Variants in TNFSF11 observed in about 807,000 individuals in gnomAD.
TNFSF11 encodes tumor necrosis factor ligand superfamily member 11.
A neutral mutation model predicts 32.2 loss-of-function variants in TNFSF11; 12 were observed. That is an observed-to-expected ratio of 0.37 (90% CI 0.24 to 0.60). The LOEUF is 0.60. Ranked by LOEUF, TNFSF11 falls within the 20% of genes least tolerant of loss-of-function variation. TNFSF11 has a pLI of 0.66. For synonymous variants in TNFSF11, 172 were observed against 152.1 expected (o/e 1.13, Z -0.96); for missense variants, 345 against 398.0 (o/e 0.87, Z 1.13).
Position 42,607,828 on chromosome 13 carries a change from G to A in TNFSF11, c.*910G>A, listed in dbSNP as rs1045893179. 1.3e-5 allele frequency: 2 copies of A among 152,490 alleles called. No homozygotes were observed. The highest frequency in any genetic ancestry group is 2.4e-5 in the African/African-American group (1 of 41,400). The allele number at this position is 152,490 out of a possible 1,614,324, so 9.4% of individuals were successfully genotyped here. A position where few individuals can be genotyped will look rare whatever the true frequency, so the allele number is the denominator to read the frequency against. On this transcript the variant is annotated 3_prime_UTR_variant, in exon 5 of 5. Transcript: ENST00000398795. ...AGAGTAGTTATATAATTGTTGAACA[G>A]GTGTTTTTCCACAAGTGCCGCAAAT...
chr13:42,587,641 G>C (rs1451678374), intron 2 of TNFSF11, among the ~76,000 whole-genome samples: 1 of 152,210 alleles, frequency 6.6e-6, no homozygotes, highest in African/African-American at 2.4e-5. Flanking sequence ...TTTAGAGATT[G>C]CATCTGTGAT....
At chr13:42,590,340 C>T (rs1490816410) in intron 2 of TNFSF11, among the ~76,000 whole-genome samples, 2 of 152,200 alleles carry the variant, frequency 1.3e-5, no homozygotes, top group African/African-American at 4.8e-5. Flanking sequence ...CAGTGTTTTC[C>T]TGCTTCTTTG....
chr13:42,581,552 C>G (rs1873617001), intron 2 of TNFSF11, among the ~76,000 whole-genome samples: 1 of 152,176 alleles, frequency 6.6e-6, no homozygotes, highest in Admixed American at 6.5e-5. Context: ...TAAATTCACA[C>G]TTAAATTCAC....
intron 1 of TNFSF11, among the ~76,000 whole-genome samples, chr13:42,578,842 T>G (rs555678287): frequency 2.6e-5 from 4 of 152,370 alleles, no homozygotes; most frequent in African/African-American, 9.6e-5. Context: ...ATTAACTGTT[T>G]CAGTATCTTT....
chr13:42,583,545 T>C (rs1203427234), intron 2 of TNFSF11, among the ~76,000 whole-genome samples: 2 of 151,674 alleles, frequency 1.3e-5, no homozygotes, highest in African/African-American at 2.4e-5. Context: ...TATCATCTTA[T>C]AGATCCTGAA....
intron 1 of TNFSF11, among the ~76,000 whole-genome samples, chr13:42,580,611 T>G (rs1873554810): frequency 6.6e-6 from 1 of 152,156 alleles, no homozygotes; most frequent in East Asian, 1.9e-4. Context: ...TCTCCCTTCT[T>G]TGGCTGATTA....
intron 4 of TNFSF11, among the ~76,000 whole-genome samples, chr13:42,601,491 C>G (rs1205089017): frequency 6.6e-6 from 1 of 152,158 alleles, no homozygotes; most frequent in African/African-American, 2.4e-5. Flanking sequence ...TGAGTAAATG[C>G]TTAGCTTGAT....
intron 2 of TNFSF11, among the ~76,000 whole-genome samples, chr13:42,584,406 G>T (rs1038909198): frequency 6.6e-6 from 1 of 152,164 alleles, no homozygotes; most frequent in Non-Finnish European, 1.5e-5. Flanking sequence ...GAGAGTACTT[G>T]GTAGCCAATT....
chr13:42,595,083 A>T (rs1013513133), intron 2 of TNFSF11, among the ~76,000 whole-genome samples: 2 of 152,214 alleles, frequency 1.3e-5, no homozygotes, highest in African/African-American at 4.8e-5. Flanking sequence ...AAATATCCTC[A>T]TCTCTATTGT....
At chr13:42,579,607 A>G (rs1000578480) in intron 1 of TNFSF11, among the ~76,000 whole-genome samples, 1 of 150,640 alleles carries the variant, frequency 6.6e-6, no homozygotes, top group Non-Finnish European at 1.5e-5. Flanking sequence ...AGGCCTTTGC[A>G]TGATTCTTCT....
chr13:42,571,275 G>A (rs557773192), upstream of TNFSF11, among the ~76,000 whole-genome samples: 5 of 152,352 alleles, frequency 3.3e-5, no homozygotes, highest in East Asian at 7.7e-4. Flanking sequence ...TTGGAGAGAT[G>A]AGCGCTCCAG....
At chr13:42,598,165 G>A (rs958539822) in intron 2 of TNFSF11, among the ~76,000 whole-genome samples, 3 of 151,956 alleles carry the variant, frequency 2.0e-5, no homozygotes, top group African/African-American at 7.3e-5. Context: ...TTGATTATAA[G>A]TGTGTTTGTA....
chr13:42,600,893 T>G lies in TNFSF11; in HGVS notation c.444T>G (p.Asp148Glu). Residue 148 changes from aspartate to glutamate, a missense_variant, in exon 4 of 5, where the codon GAT (aspartate) becomes GAG (glutamate). Around this residue, in one of 2 missense-constraint regions of TNFSF11, gnomAD observed 148 missense variants for 216.0 expected, o/e 0.69. Transcript: ENST00000398795. ...QHIRAEKAMV[D>E]GSWLDLAKRS... ...TTCTCTCATCTCCAGCGATGGTGGA[T>G]GGCTCATGGTTAGATCTGGCCAAGA... is the stretch of plus-strand genomic sequence containing the variant. 6.2e-7 allele frequency: 1 copy of G among 1,614,170 alleles called. No individual in the cohort carries two copies. Among genetic ancestry groups the G allele is most frequent in the Non-Finnish European group, 8.5e-7 (1 of 1,180,008 alleles).
chr13:42,568,660 G>A (rs914310334), intron 2 of TNFSF11, among the ~76,000 whole-genome samples: 1 of 152,126 alleles, frequency 6.6e-6, no homozygotes, highest in African/African-American at 2.4e-5. Context: ...AGCCTGGACC[G>A]GAGATCAGAA....
rs746971311 is a variant in TNFSF11, at chr13:42,581,232, C to T, written c.326C>T (p.Thr109Ile). 1 of 1,613,854 alleles carries T rather than the reference C, an allele frequency of 6.2e-7. No homozygotes were observed. Among genetic ancestry groups the T allele is most frequent in the African/African-American group, 1.3e-5 (1 of 74,860 alleles). The stretch of plus-strand genomic sequence containing the variant: ...GACACAACTCTGGAGAGTCAAGATA[C>T]AAAATTAATACCTGATTCATGTAGG... ...FQDTTLESQD[T>I]KLIPDSCRRI... Residue 109 changes from threonine to isoleucine, a missense_variant, in exon 2 of 5, where the codon ACA becomes ATA. Physicochemically the swap from Thr to Ile is moderately conservative, Grantham distance 89 (BLOSUM62 -1). Coordinates refer to ENST00000398795, the MANE Select transcript of TNFSF11 (RefSeq NM_003701.4).
intron 4 of TNFSF11, among the ~76,000 whole-genome samples, chr13:42,606,235 C>T (rs964974741): frequency 2.0e-5 from 3 of 152,194 alleles, no homozygotes; most frequent in East Asian, 3.8e-4. Context: ...GAACACATAT[C>T]GTACTTACCC....
At chr13:42,596,438 A>C (rs1365483912) in intron 2 of TNFSF11, among the ~76,000 whole-genome samples, 1 of 152,138 alleles carries the variant, frequency 6.6e-6, no homozygotes, top group African/African-American at 2.4e-5. Flanking sequence ...CACGCTAGGG[A>C]TTCCTGGGTG....
At chr13:42,587,081 C>T (rs574932118) in intron 2 of TNFSF11, among the ~76,000 whole-genome samples, 8 of 152,292 alleles carry the variant, frequency 5.3e-5, no homozygotes, top group Non-Finnish European at 8.8e-5. Flanking sequence ...ACAATCCAGA[C>T]GTGAGTCATC....
intron 2 of TNFSF11, among the ~76,000 whole-genome samples, chr13:42,587,052 A>C (rs1873933171): frequency 6.6e-6 from 1 of 152,182 alleles, no homozygotes; most frequent in Non-Finnish European, 1.5e-5. Context: ...TAACTAAGAA[A>C]CTTTTTCCCT....
Sources: gnomAD v4.1 joint callset for allele counts (sites outside exome capture counted in the v4.1 genomes callset) on GRCh38, gnomAD v4.1.1 for gene constraint, gnomAD v4.1.1 regional missense constraint, MANE v1.5 for transcripts, NCBI Gene and HGNC (gene_info 2026-07-23, HGNC 2026-07-21) for gene names.